OPCML: variants seen among roughly 807,000 people sequenced by gnomAD.
The protein encoded by OPCML is opioid binding protein/cell adhesion molecule like.
Under a neutral mutation model 37.8 loss-of-function variants are expected in OPCML, and 13 were observed. That is an observed-to-expected ratio of 0.34 (90% CI 0.22 to 0.55). The LOEUF (loss-of-function observed/expected upper bound fraction) is 0.55, where lower values mean the gene tolerates loss of function less well. Ranked by LOEUF, OPCML falls within the 20% of genes least tolerant of loss-of-function variation. The probability of loss-of-function intolerance (pLI) is 0.91; values close to 1 mark genes in which losing one functional copy is unlikely to be tolerated. For missense variants in OPCML, 341 were observed against 435.6 expected (o/e 0.78, Z 1.93); for synonymous variants, 176 against 168.8 (o/e 1.04, Z -0.33).
At chr11:132,499,051 C>G (rs1314944097) in intron 4 of OPCML, among the ~76,000 whole-genome samples, 1 of 152,182 alleles carries the variant, frequency 6.6e-6, no homozygotes, top group Non-Finnish European at 1.5e-5. Context: ...GTGTGCTTCC[C>G]CGTGCATGGT....
At chr11:133,139,319 AC>A (rs375039139) in intron 1 of OPCML, among the ~76,000 whole-genome samples, 49 of 152,288 alleles carry the variant, frequency 3.2e-4, no homozygotes, top group African/African-American at 1.1e-3. Flanking sequence ...TGCACCAGAA[AC>A]CATTCTAAGT....
intron 1 of OPCML, among the ~76,000 whole-genome samples, chr11:133,082,926 G>A (rs540663276): frequency 6.6e-6 from 1 of 150,482 alleles, no homozygotes; most frequent in African/African-American, 2.4e-5. Context: ...GGCGCCAGGG[G>A]CCGGGGCGGA....
chr11:133,476,424 A>G (rs1213938261), intron 1 of OPCML, among the ~76,000 whole-genome samples: 1 of 151,380 alleles, frequency 6.6e-6, no homozygotes, highest in Non-Finnish European at 1.5e-5. Flanking sequence ...AATGAACTTC[A>G]TAGGAGAAAT....
intron 2 of OPCML, among the ~76,000 whole-genome samples, chr11:132,728,216 G>T (rs1420592249): frequency 6.6e-6 from 1 of 152,052 alleles, no homozygotes; most frequent in Non-Finnish European, 1.5e-5. Flanking sequence ...GGCTCCTGTA[G>T]CCCCAGGCAG....
chr11:132,764,190 A>G (rs1159788785), intron 2 of OPCML, among the ~76,000 whole-genome samples: 1 of 152,256 alleles, frequency 6.6e-6, no homozygotes, highest in Non-Finnish European at 1.5e-5. Context: ...CTGTGGTCAT[A>G]AGCTTTGAAA....
chr11:132,855,816 A>G (rs112070400), intron 2 of OPCML, among the ~76,000 whole-genome samples: 6 of 152,362 alleles, frequency 3.9e-5, no homozygotes, highest in African/African-American at 1.4e-4. Context: ...GTAATGTGTT[A>G]TACAGCAAAA....
intron 1 of OPCML, among the ~76,000 whole-genome samples, chr11:133,137,719 C>T: frequency 6.6e-6 from 1 of 152,126 alleles, no homozygotes; most frequent in East Asian, 1.9e-4. Context: ...TTATGTCCTT[C>T]CTGGGAAAAA....
intron 3 of OPCML, among the ~76,000 whole-genome samples, chr11:132,619,550 C>T (rs976015921): frequency 4.6e-5 from 7 of 151,980 alleles, no homozygotes; most frequent in Non-Finnish European, 1.0e-4. Context: ...GTAAAATTGG[C>T]CTAAAACGGC....
intron 1 of OPCML, among the ~76,000 whole-genome samples, chr11:133,385,089 G>A (rs1945016362): frequency 6.6e-6 from 1 of 152,174 alleles, no homozygotes. Context: ...GGAGGGTGGG[G>A]GGCTCAGAGG....
chr11:132,752,976 C>T (rs1010499083), intron 2 of OPCML, among the ~76,000 whole-genome samples: 6 of 152,190 alleles, frequency 3.9e-5, no homozygotes, highest in African/African-American at 1.4e-4. Context: ...AGCTGCCTTA[C>T]TGGCTCTTTA....
chr11:133,177,366 A>C lies in OPCML; in HGVS notation c.62-234356T>G, dbSNP rs1388833392. Among the ~76,000 whole-genome samples the C allele has an allele frequency of 6.6e-6, 1 of 152,224 alleles. No homozygotes were observed. Among genetic ancestry groups the C allele is most frequent in the Non-Finnish European group, 1.5e-5 (1 of 68,040 alleles). On this transcript the variant is annotated intron_variant, in intron 1 of 7. Transcript: ENST00000524381. The surrounding 1 kb of genome is among the most constrained non-coding windows in gnomAD (Gnocchi z 5.0). ...AGTGGAGAGGGCTATAAATTCTGGC[A>C]GAACCCTGAGGAAATCAGTAATCTT...
chr11:132,469,778 A>G (rs1435208257), intron 4 of OPCML, among the ~76,000 whole-genome samples: 56 of 16,036 alleles, frequency 3.5e-3, no homozygotes, highest in South Asian at 0.013. Context: ...GTATGTGTGG[A>G]GGGGTGTGTG....
intron 3 of OPCML, among the ~76,000 whole-genome samples, chr11:132,552,091 G>A (rs2096383041): frequency 6.6e-6 from 1 of 152,212 alleles, no homozygotes; most frequent in Non-Finnish European, 1.5e-5. Flanking sequence ...TAGAAGAGCT[G>A]TAAAAACAGA....
At chr11:132,702,684 C>T (rs1250035804) in intron 2 of OPCML, among the ~76,000 whole-genome samples, 1 of 152,110 alleles carries the variant, frequency 6.6e-6, no homozygotes, top group Non-Finnish European at 1.5e-5. Context: ...CCTTCTGGAA[C>T]ACCTATAATG....
intron 2 of OPCML, among the ~76,000 whole-genome samples, chr11:132,706,339 G>A (rs1294373124): frequency 6.6e-6 from 1 of 152,130 alleles, no homozygotes; most frequent in Non-Finnish European, 1.5e-5. Context: ...TTTTTCTGAA[G>A]AAGTTACTTT....
intron 2 of OPCML, among the ~76,000 whole-genome samples, chr11:132,902,931 T>C (rs1272407196): frequency 6.6e-6 from 1 of 152,056 alleles, no homozygotes; most frequent in Non-Finnish European, 1.5e-5. Flanking sequence ...AGACAACCTT[T>C]GTTTGCAGTG....
intron 3 of OPCML, among the ~76,000 whole-genome samples, chr11:132,535,758 T>G (rs990440431): frequency 6.6e-6 from 1 of 152,130 alleles, no homozygotes; most frequent in Non-Finnish European, 1.5e-5. Flanking sequence ...TTCAGCTGGA[T>G]GCCTGTGTGC....
chr11:133,257,136 T>C (rs188645924), intron 1 of OPCML, among the ~76,000 whole-genome samples: 1 of 152,228 alleles, frequency 6.6e-6, no homozygotes, highest in Admixed American at 6.5e-5. Context: ...AGAACACCAC[T>C]GTCCTACTTA....
intron 2 of OPCML, among the ~76,000 whole-genome samples, chr11:132,745,322 C>T (rs1945578030): frequency 6.6e-6 from 1 of 152,090 alleles, no homozygotes; most frequent in African/African-American, 2.4e-5. Flanking sequence ...TCAGTGGAGA[C>T]AAACTATAGT....
Sources: gnomAD v4.1 joint callset for allele counts (sites outside exome capture counted in the v4.1 genomes callset) on GRCh38, gnomAD v4.1.1 for gene constraint, Gnocchi (gnomAD v3.1) non-coding constraint, MANE v1.5 for transcripts, NCBI Gene and HGNC (gene_info 2026-07-23, HGNC 2026-07-21) for gene names.